Variants in SPINT1 observed in about 807,000 individuals in gnomAD.
SPINT1 encodes the protein serine peptidase inhibitor, Kunitz type 1.
A neutral mutation model predicts 53.7 loss-of-function variants in SPINT1; 38 were observed. The observed-to-expected ratio is 0.71, with a 90% CI of 0.55 to 0.93. The LOEUF (loss-of-function observed/expected upper bound fraction) is 0.93. Ranked by LOEUF, SPINT1 falls within the 40% of genes least tolerant of loss-of-function variation. The pLI is 0.00. For missense variants in SPINT1, 645 were observed against 692.9 expected (o/e 0.93, Z 0.78); for synonymous variants, 283 against 280.6 (o/e 1.01, Z -0.08).
At chr15:40,845,208 C>T (rs1220022130) in intron 2 of SPINT1, among the ~76,000 whole-genome samples, 179 bp downstream of exon 2, 1 of 150,704 alleles carries the variant, frequency 6.6e-6, no homozygotes, top group South Asian at 2.1e-4. Flanking sequence ...AGTGCAATGG[C>T]GCAATCTCTG....
rs1891666595 is a variant in SPINT1 at position 40,856,996 on chromosome 15, C to T, written c.*21C>T. ...TCTGAGCCTGGGTCTCACCGGCTCTCACCTGGCCCTGCTTCCTGCTTGCCA... is the reference window on the plus strand; with the variant it reads ...TCTGAGCCTGGGTCTCACCGGCTCTTACCTGGCCCTGCTTCCTGCTTGCCA... On this transcript the variant is annotated 3_prime_UTR_variant, in exon 11 of 11. Transcript: ENST00000562057. 6.2e-7 allele frequency: 1 copy of T among 1,610,640 alleles called. No individual in the cohort carries two copies. Among genetic ancestry groups the T allele is most frequent in the East Asian group, 2.2e-5 (1 of 44,764 alleles).
Position 40,844,127 on chromosome 15 carries a change from G to C in SPINT1, c.-125G>C. ...CGGGTCGGAAGCCGCGACCCGAGCCGCGCAGGAAGCTGGGACCGGAACCTC... is the reference window on the plus strand; with the variant it reads ...CGGGTCGGAAGCCGCGACCCGAGCCCCGCAGGAAGCTGGGACCGGAACCTC... On this transcript the variant is annotated 5_prime_UTR_variant, in exon 1 of 11. Transcript: ENST00000562057. This position sits in a 1 kb window ranked among gnomAD's most constrained non-coding sequence, Gnocchi z 5.8. 2 of 437,004 alleles carry C rather than the reference G, an allele frequency of 4.6e-6. No individual in the cohort carries two copies. The highest frequency in any genetic ancestry group is 3.2e-5 in the South Asian group (2 of 62,288). The allele number at this position is 437,004 out of a possible 1,614,324, so 27.1% of individuals were successfully genotyped here.
In SPINT1 at chr15:40,857,757, A is replaced by G. The variant is rs2142019934; in HGVS notation, c.*782A>G. ...TCAGGCTTCAGCCACCCTGTTGAGC[A>G]GGTTTTCCCATCGTCTCTCTCGAAA... On this transcript the variant is annotated 3_prime_UTR_variant, in exon 11 of 11. Coordinates refer to ENST00000562057, the MANE Select transcript of SPINT1 (RefSeq NM_003710.4). 6.6e-6 allele frequency: 1 copy of G among 150,766 alleles called. No individual in the cohort carries two copies. The highest frequency in any genetic ancestry group is 2.5e-5 in the African/African-American group (1 of 40,184). The allele number at this position is 150,766 out of a possible 1,614,324, so 9.3% of individuals were successfully genotyped here.
chr15:40,849,030 A>G (rs1342438798), intron 2 of SPINT1, among the ~76,000 whole-genome samples: 2 of 150,820 alleles, frequency 1.3e-5, no homozygotes, highest in Non-Finnish European at 3.0e-5. Context: ...GCGGATCACG[A>G]GGTCGGGAGA....
At position 40,844,451 on chromosome 15, in the gene SPINT1, C is replaced by CA; in HGVS notation, c.-65-38dup. 8.5e-7 allele frequency: 1 copy of CA among 1,178,668 alleles called. No individual in the cohort carries two copies. Among genetic ancestry groups the CA allele is most frequent in the Middle Eastern group, 2.7e-4 (1 of 3,754 alleles). The allele number at this position is 1,178,668 out of a possible 1,614,324, so 73.0% of individuals were successfully genotyped here. On this transcript the variant is annotated intron_variant, in intron 1 of 10. Transcript: ENST00000562057. This position sits in a 1 kb window ranked among gnomAD's most constrained non-coding sequence, Gnocchi z 5.8. ...CTCCTCCAAAGTCTCCCGGGCTGATCAGGTGTGTCTCCTCCTCTGTCCCCT... is the reference window on the plus strand; with the variant it reads ...CTCCTCCAAAGTCTCCCGGGCTGATCAAGGTGTGTCTCCTCCTCTGTCCCCT...
At chr15:40,854,614 A>AGACTCTGACCTTTCCTCTCTGC in intron 7 of SPINT1, 25 bp from the exon 8 acceptor site, 1 of 1,614,204 alleles carries the variant, frequency 6.2e-7, no homozygotes, top group East Asian at 2.2e-5. Flanking sequence ...GTTGGGTCTG[A>AGACTCTGACCTTTCCTCTCTGC]GACTCTGACC....
At chr15:40,849,979 G>A (rs955348679) in intron 2 of SPINT1, among the ~76,000 whole-genome samples, 2 of 152,186 alleles carry the variant, frequency 1.3e-5, no homozygotes, top group African/African-American at 4.8e-5. Context: ...TAAATGTGTG[G>A]GCAAGGCTGT....
At chr15:40,853,450 CA>C in intron 3 of SPINT1, 38 bp from the exon 4 acceptor site, 1 of 1,613,868 alleles carries the variant, frequency 6.2e-7, no homozygotes, top group Non-Finnish European at 8.5e-7. Flanking sequence ...CCAAGGGCAT[CA>C]GGGGGTGCCC....
chr15:40,847,541 C>T (rs1891331152), intron 2 of SPINT1, among the ~76,000 whole-genome samples: 1 of 152,168 alleles, frequency 6.6e-6, no homozygotes, highest in Admixed American at 6.5e-5. Context: ...CCTTCTCTTC[C>T]CCCACCTCTC....
chr15:40,857,189 G>A lies in SPINT1; in HGVS notation c.*214G>A. 1.5e-6 allele frequency: 1 copy of A among 651,632 alleles called. No individual in the cohort carries two copies. Among genetic ancestry groups the A allele is most frequent in the East Asian group, 2.8e-5 (1 of 36,100 alleles). The allele number at this position is 651,632 out of a possible 1,614,324, so 40.4% of individuals were successfully genotyped here. On this transcript the variant is annotated 3_prime_UTR_variant, in exon 11 of 11. Transcript: ENST00000562057. Reference sequence around the variant, plus strand: ...GAAGGAGCAGAAAACCCTTGGGCCAGAAGTACCAGACTAGATGGACCTGCC... The same window carrying A: ...GAAGGAGCAGAAAACCCTTGGGCCAAAAGTACCAGACTAGATGGACCTGCC...
At chr15:40,849,162 T>A (rs369890785) in intron 2 of SPINT1, among the ~76,000 whole-genome samples, 1 of 150,986 alleles carries the variant, frequency 6.6e-6, no homozygotes, top group African/African-American at 2.4e-5. Flanking sequence ...AGGAGAATGG[T>A]GTGAACCCAG....
intron 9 of SPINT1, 89 bp downstream of exon 9, chr15:40,856,151 C>G (rs149463227): frequency 6.3e-7 from 1 of 1,592,814 alleles, no homozygotes; most frequent in Non-Finnish European, 8.6e-7. Flanking sequence ...GGAGTCACCC[C>G]TCCATCCTCA....
At position 40,856,351 on chromosome 15, in the gene SPINT1, G is replaced by C. The variant is rs767544380; in HGVS notation, c.1336+28G>C. ...AAGCCCTGATCTGTCCTGTAACTGA[G>C]GTTAGCATGTAGGTATCAACTCACG... is the stretch of plus-strand genomic sequence containing the variant. On this transcript the variant is annotated intron_variant, in intron 10 of 10. Transcript: ENST00000562057. 21 of 1,614,042 alleles carry C rather than the reference G, an allele frequency of 1.3e-5. No individual in the cohort carries two copies. The East Asian group carries it at 4.7e-4, about 36-fold the overall frequency.
In SPINT1 at chr15:40,855,944, C is replaced by A. The variant is rs753499776; in HGVS notation, c.1170C>A (p.Arg390=). 12 of 1,614,248 alleles carry A rather than the reference C, an allele frequency of 7.4e-6. No homozygotes were observed. The South Asian group carries it at 1.3e-4, about 18-fold the overall frequency. ...GACTCTGCAAGGAGAGCATCCCGCG[C>A]TGGTACTACAACCCCTTCAGCGAAC... is the stretch of plus-strand genomic sequence containing the variant. ...DTGLCKESIP[R]WYYNPFSEHC... Residue 390 remains arginine (R), a synonymous_variant, in exon 9 of 11, where the codon CGC becomes CGA. Transcript: ENST00000562057.
intron 2 of SPINT1, 39 bp downstream of exon 2, chr15:40,845,068 C>CA: frequency 1.3e-6 from 2 of 1,510,854 alleles, no homozygotes. Flanking sequence ...TGGAGAGACT[C>CA]AAAAAAGGGA....
At chr15:40,856,473 C>A in intron 10 of SPINT1, 150 bp downstream of exon 10, 4 of 1,067,054 alleles carry the variant, frequency 3.7e-6, no homozygotes, top group Non-Finnish European at 5.6e-6. Flanking sequence ...GGGATGCCTG[C>A]CACACACGAG....
In SPINT1 at chr15:40,844,596, G is replaced by T. The variant is rs1298514630; in HGVS notation, c.42G>T (p.Pro14=). 1.9e-6 allele frequency: 3 copies of T among 1,609,648 alleles called. No homozygotes were observed. The change falls in exon 2 of 11, where the codon CCG becomes CCT. Residue 14 remains proline (P), a synonymous_variant. Coordinates refer to ENST00000562057, the MANE Select transcript of SPINT1 (RefSeq NM_003710.4). This position sits in a 1 kb window ranked among gnomAD's most constrained non-coding sequence, Gnocchi z 5.8. ...CGATGGCCCGCGCCCGCCTCGCCCCGGCCGGCATCCCTGCCGTCGCCTTGT... is the reference window on the plus strand; with the variant it reads ...CGATGGCCCGCGCCCGCCTCGCCCCTGCCGGCATCCCTGCCGTCGCCTTGT... ...ARTMARARLA[P]AGIPAVALWL...
At chr15:40,853,936 G>GGT in intron 5 of SPINT1, 55 bp downstream of exon 5, 1 of 1,613,950 alleles carries the variant, frequency 6.2e-7, no homozygotes, top group South Asian at 1.1e-5. Context: ...CAGGGTGAGT[G>GGT]GTCTCTCTCT....
At position 40,852,532 on chromosome 15, in the gene SPINT1, G is replaced by A. The variant is rs114680996; in HGVS notation, c.476-592G>A. On this transcript the variant is annotated intron_variant, in intron 2 of 10. Transcript: ENST00000562057. ...AGGCACTGTCAAGTCAAGGAAGGGC[G>A]TGGCTCCCGGGACCCCTTGTAACTG... Among the ~76,000 whole-genome samples the A allele has an allele frequency of 5.8e-3, 882 of 152,228 alleles. 18 individuals carry two copies. Among genetic ancestry groups the A allele is most frequent in the African/African-American group, 0.02 (850 of 41,522 alleles).
Sources: allele counts gnomAD v4.1 joint callset (sites outside exome capture counted in the v4.1 genomes callset), GRCh38; gene constraint gnomAD v4.1.1; non-coding constraint Gnocchi (gnomAD v3.1); transcripts MANE v1.5; gene names NCBI Gene and HGNC (gene_info 2026-07-23, HGNC 2026-07-21).